The following PDE4DIP variants were observed in gnomAD, a reference collection of about 807,000 sequenced individuals.
The protein encoded by PDE4DIP is myomegalin.
In PDE4DIP, 59 loss-of-function variants were observed where a neutral mutation model predicts 221.4. The ratio of observed to expected loss-of-function variants is 0.27; its 90% CI spans 0.22 to 0.33. PDE4DIP has a LOEUF of 0.33. PDE4DIP is among the 10% of genes least tolerant of loss of function. The pLI is 1.00. For missense variants in PDE4DIP, 1,036 were observed against 2,154.2 expected, an observed-to-expected ratio of 0.48 and a Z score of 10.28; for synonymous variants, 404 against 815.9, an observed-to-expected ratio of 0.50 and a Z score of 8.60.
rs1285133088 is a variant in PDE4DIP at position 148,864,982 on chromosome 1, A to G, written c.289+1677A>G. Among the ~76,000 whole-genome samples the G allele has an allele frequency of 1.5e-5, 2 of 137,270 alleles. 1 individual carries two copies. Among genetic ancestry groups the G allele is most frequent in the Non-Finnish European group, 3.1e-5 (2 of 64,372 alleles). The allele number at this position is 137,270 out of a possible 152,430, so 90.1% of individuals were successfully genotyped here. On this transcript the variant is annotated intron_variant, in intron 2 of 45. Transcript: ENST00000524974. ...ATTGCTCTTTCTATCATAGCCACCA[A>G]TCTAACTGTAATGTATTGTTATTCT...
At chr1:148,979,383 C>T (rs1303323643) in intron 19 of PDE4DIP, among the ~76,000 whole-genome samples, 1 of 152,128 alleles carries the variant, frequency 6.6e-6, no homozygotes, top group Non-Finnish European at 1.5e-5. Flanking sequence ...GTAGAACGTG[C>T]TCAGTAAATA....
chr1:148,951,965 G>A (rs1574105978), intron 5 of PDE4DIP: 5 of 913,462 alleles, frequency 5.5e-6, no homozygotes, highest in East Asian at 8.6e-5. Context: ...GGCCGGGAAA[G>A]GTGAGGCTGC....
intron 1 of PDE4DIP, among the ~76,000 whole-genome samples, chr1:148,923,463 G>A (rs1553463352): frequency 6.8e-6 from 1 of 146,424 alleles, no homozygotes; most frequent in Non-Finnish European, 1.5e-5. Context: ...CACAGCTGCC[G>A]GTTATTTGTT....
intron 1 of PDE4DIP, among the ~76,000 whole-genome samples, chr1:148,820,723 G>C (rs1213041729): frequency 4.7e-5 from 7 of 148,436 alleles, no homozygotes; most frequent in Non-Finnish European, 7.4e-5. Context: ...TTGGGGGGGG[G>C]GTGGCTAGAA....
upstream of PDE4DIP, among the ~76,000 whole-genome samples, chr1:148,885,277 C>G (rs61083623): frequency 6.6e-6 from 1 of 151,110 alleles, no homozygotes; most frequent in East Asian, 2.0e-4. Context: ...AGAGTATTCA[C>G]TTCACCAAGA....
At chr1:148,998,078 A>T in intron 22 of PDE4DIP, 65 bp from the exon 26 acceptor site, 1 of 823,056 alleles carries the variant, frequency 1.2e-6, no homozygotes, top group Non-Finnish European at 2.0e-6. Flanking sequence ...CTGCCTTTGC[A>T]ATCTCATGTT....
exon 30 of PDE4DIP, chr1:149,009,709 T>C (rs782797792): frequency 2.5e-6 from 4 of 1,613,968 alleles, no homozygotes; most frequent in Non-Finnish European, 3.4e-6. Context: ...TCCTGTCTGA[T>C]GAACTGGAAG....
At chr1:148,929,890 T>G (rs1450803328) in intron 2 of PDE4DIP, 1 of 152,944 alleles carries the variant, frequency 6.5e-6, no homozygotes, top group African/African-American at 2.4e-5. Flanking sequence ...TTGAATAAAT[T>G]TTGGTATTAC....
chr1:148,958,937 C>T (rs1347535677), intron 5 of PDE4DIP, among the ~76,000 whole-genome samples: 2 of 151,126 alleles, frequency 1.3e-5, no homozygotes, highest in East Asian at 3.9e-4. Context: ...ATTCCATTAG[C>T]TGTTCTTTCT....
At chr1:148,912,063 C>A (rs587655781) in intron 1 of PDE4DIP, among the ~76,000 whole-genome samples, 1 of 146,002 alleles carries the variant, frequency 6.8e-6, no homozygotes, top group South Asian at 2.2e-4. Context: ...TCATGGGGAG[C>A]CACACGGTAG....
upstream of PDE4DIP, among the ~76,000 whole-genome samples, chr1:148,888,902 GT>G (rs1470859266): frequency 2.4e-5 from 3 of 124,308 alleles, no homozygotes; most frequent in East Asian, 6.7e-4. Context: ...TTTGTAACTG[GT>G]AAATAGAGTC....
intron 19 of PDE4DIP, 95 bp from the exon 23 acceptor site, chr1:148,979,642 T>G: frequency 9.0e-7 from 1 of 1,116,710 alleles, no homozygotes; most frequent in Non-Finnish European, 1.3e-6. Flanking sequence ...ATAGTGGGCT[T>G]TTTAAGTCAT....
At chr1:149,022,649 T>C (rs1251699224) in intron 37 of PDE4DIP, among the ~76,000 whole-genome samples, 2 of 151,298 alleles carry the variant, frequency 1.3e-5, no homozygotes, top group African/African-American at 4.8e-5. Context: ...AAGCTTGAGG[T>C]TGGAGTGAGA....
chr1:148,951,700 G>C (rs587745060), intron 5 of PDE4DIP, among the ~76,000 whole-genome samples: 1,993 of 151,694 alleles, frequency 0.013, no homozygotes, highest in African/African-American at 0.045. Flanking sequence ...TCAAGATCTT[G>C]GTTAACCAGA....
At chr1:149,009,452 T>C (rs1553602648) in intron 29 of PDE4DIP, 116 bp from the exon 33 acceptor site, 18 of 644,332 alleles carry the variant, frequency 2.8e-5, no homozygotes. Context: ...GTTATTTCCA[T>C]AATTATCTGC....
At chr1:148,967,996 C>G in intron 13 of PDE4DIP, 91 bp downstream of exon 16, 1 of 773,478 alleles carries the variant, frequency 1.3e-6, no homozygotes, top group Non-Finnish European at 2.0e-6. Context: ...AGGACTGTGA[C>G]CCAAGTCTTT....
intron 20 of PDE4DIP, 107 bp from the exon 24 acceptor site, chr1:148,981,163 C>A: frequency 2.0e-6 from 2 of 995,072 alleles, no homozygotes; most frequent in Non-Finnish European, 1.5e-6. Context: ...AATTACTTTA[C>A]AAAGTCGTGT....
chr1:148,963,745 CTTCT>C (rs1396555153), intron 9 of PDE4DIP, among the ~76,000 whole-genome samples: 7 of 136,972 alleles, frequency 5.1e-5, no homozygotes, highest in Non-Finnish European at 9.3e-5. Flanking sequence ...TCTTTCTTTC[CTTCT>C]TTTTTTTTTT....
intron 4 of PDE4DIP, among the ~76,000 whole-genome samples, chr1:148,934,296 A>T (rs201535829): frequency 1.3e-5 from 2 of 152,106 alleles, no homozygotes; most frequent in East Asian, 1.9e-4. Context: ...TCCCCAAGAC[A>T]GTGTCATATT....
Sources: gnomAD v4.1 joint callset for allele counts (sites outside exome capture counted in the v4.1 genomes callset) on GRCh38, gnomAD v4.1.1 for gene constraint, MANE v1.5 for transcripts, NCBI Gene and HGNC (gene_info 2026-07-23, HGNC 2026-07-21) for gene names.